Variants in RIC1 observed in about 807,000 individuals in gnomAD.
The protein encoded by RIC1 is RIC1 partner of RAB6A GEF complex.
Under a neutral mutation model 169.0 loss-of-function variants are expected in RIC1, and 88 were observed. The ratio of observed to expected loss-of-function variants is 0.52; its 90% CI spans 0.44 to 0.62. The LOEUF is 0.62. Ranked by LOEUF, RIC1 falls within the 20% of genes least tolerant of loss-of-function variation. RIC1 has a pLI of 0.00. For missense variants in RIC1, 1,877 were observed against 1,725.5 expected, an observed-to-expected ratio of 1.09 and a Z score of -1.56; for synonymous variants, 790 against 601.5, an observed-to-expected ratio of 1.31 and a Z score of -4.59.
At chr9:5,745,489 A>T (rs1825324304) in intron 10 of RIC1, among the ~76,000 whole-genome samples, 1 of 152,200 alleles carries the variant, frequency 6.6e-6, no homozygotes, top group African/African-American at 2.4e-5. Flanking sequence ...CTCTAGTCTC[A>T]CAGCTTCCAA....
chr9:5,695,693 C>G (rs1451919814), intron 3 of RIC1, among the ~76,000 whole-genome samples: 1 of 151,104 alleles, frequency 6.6e-6, no homozygotes. Flanking sequence ...ATGTCTCAAT[C>G]CTGAGTAGCT....
chr9:5,687,539 G>T (rs1299225108), intron 2 of RIC1, among the ~76,000 whole-genome samples: 1 of 152,076 alleles, frequency 6.6e-6, no homozygotes, highest in Non-Finnish European at 1.5e-5. Context: ...TTGGGATGAT[G>T]TATTTTTAAA....
intron 1 of RIC1, among the ~76,000 whole-genome samples, chr9:5,643,396 A>G (rs555376538): frequency 3.1e-4 from 47 of 152,242 alleles, no homozygotes; most frequent in Middle Eastern, 6.8e-3. Flanking sequence ...ACTGTATACT[A>G]TTTAAATTTT....
At chr9:5,756,186 A>G in intron 15 of RIC1, 26 bp from the exon 16 acceptor site, 1 of 1,460,784 alleles carries the variant, frequency 6.8e-7, no homozygotes, top group Non-Finnish European at 9.2e-7. Context: ...TGTTTTTATA[A>G]TTTTCTTCAT....
chr9:5,660,623 A>G (rs1448663129), intron 2 of RIC1, among the ~76,000 whole-genome samples: 4 of 152,004 alleles, frequency 2.6e-5, no homozygotes, highest in Non-Finnish European at 4.4e-5. Flanking sequence ...GCTTTTTAAA[A>G]TGTATTTGTT....
intron 3 of RIC1, among the ~76,000 whole-genome samples, chr9:5,705,161 T>C (rs547917933): frequency 1.3e-5 from 2 of 151,728 alleles, no homozygotes; most frequent in Non-Finnish European, 2.9e-5. Flanking sequence ...TGCCTTTCTG[T>C]ATGAATTTTA....
chr9:5,639,301 A>G (rs1462619399), intron 1 of RIC1, among the ~76,000 whole-genome samples: 1 of 152,028 alleles, frequency 6.6e-6, no homozygotes, highest in East Asian at 1.9e-4. Context: ...TTGTGTTTCC[A>G]TTATCATTTG....
Position 5,763,919 on chromosome 9 carries a change from G to T in RIC1, c.2841+51G>T. 2 of 1,517,508 alleles carry T rather than the reference G, an allele frequency of 1.3e-6. No individual in the cohort carries two copies. The highest frequency in any genetic ancestry group is 1.3e-5 in the South Asian group (1 of 75,566). The allele number at this position is 1,517,508 out of a possible 1,614,324, so 94.0% of individuals were successfully genotyped here. A position where few individuals can be genotyped will look rare whatever the true frequency, so the allele number is the denominator to read the frequency against. On this transcript the variant is annotated intron_variant, in intron 19 of 25. Coordinates refer to ENST00000414202, the MANE Select transcript of RIC1 (RefSeq NM_020829.4). The surrounding 1 kb of genome is among the most constrained non-coding windows in gnomAD (Gnocchi z 5.2). ...GCAAGAATTAATGAGCTTAAACTTA[G>T]AAAAATAGAAATGTCCTGTTTTGAC...
intron 5 of RIC1, 66 bp downstream of exon 5, chr9:5,720,390 C>A (rs1823513831): frequency 1.4e-6 from 2 of 1,463,234 alleles, no homozygotes; most frequent in Non-Finnish European, 1.9e-6. Context: ...TAGGTATCTT[C>A]TATGGATGAA....
chr9:5,730,041 T>G (rs1167937224), intron 6 of RIC1, among the ~76,000 whole-genome samples: 1 of 152,108 alleles, frequency 6.6e-6, no homozygotes, highest in African/African-American at 2.4e-5. Context: ...GTTAAGGATT[T>G]AAAAACTAAT....
chr9:5,659,007 A>T (rs10975216), intron 2 of RIC1, among the ~76,000 whole-genome samples: 2 of 151,882 alleles, frequency 1.3e-5, no homozygotes, highest in African/African-American at 4.8e-5. Context: ...TTTGCACTCA[A>T]TTTTGATGAT....
rs1175972753 is a variant in RIC1, at chr9:5,773,045, G to A, written c.3948G>A (p.Gly1316=). The A allele has an allele frequency of 1.2e-6, 2 of 1,613,230 alleles. No individual in the cohort carries two copies. Residue 1316 remains glycine, a synonymous_variant, in exon 25 of 26, where the codon GGG becomes GGA. Transcript: ENST00000414202. ...AGATGTTACAGAACATAAAGACAGGGCTCCATGCAGTGGACCGATGGGCCT... is the reference window on the plus strand; with the variant it reads ...AGATGTTACAGAACATAAAGACAGGACTCCATGCAGTGGACCGATGGGCCT... ...DGEMLQNIKT[G]LHAVDRWAST...
At chr9:5,762,278 T>G (rs532269386) in intron 17 of RIC1, among the ~76,000 whole-genome samples, 109 of 152,376 alleles carry the variant, frequency 7.2e-4, no homozygotes, top group African/African-American at 2.5e-3. Context: ...TAAAGTTGTC[T>G]TAGCTTTTTC....
At chr9:5,651,267 C>G (rs1351175002) in intron 1 of RIC1, among the ~76,000 whole-genome samples, 1 of 152,134 alleles carries the variant, frequency 6.6e-6, no homozygotes, top group Admixed American at 6.5e-5. Flanking sequence ...CCTCTTCTTC[C>G]TTGCTTTAGG....
intron 6 of RIC1, among the ~76,000 whole-genome samples, chr9:5,721,258 A>T (rs962022208): frequency 6.6e-6 from 1 of 152,184 alleles, no homozygotes; most frequent in African/African-American, 2.4e-5. Flanking sequence ...GTACTGACGC[A>T]GAAGTTTTTG....
At position 5,773,953 on chromosome 9, in the gene RIC1, CAT is replaced by C. The variant is rs765813565; in HGVS notation, c.3984-3_3984-2del. 37 of 1,578,250 alleles carry C rather than the reference CAT, an allele frequency of 2.3e-5. No individual in the cohort carries two copies. The highest frequency in any genetic ancestry group is 2.9e-5 in the Non-Finnish European group (34 of 1,164,488). ...GATGAGCTAATGTTTTTTTTCTCTA[CAT>C]AGTCCTGGATATAAGCCATTTTTAA... On this transcript the variant is annotated splice_polypyrimidine_tract_variant and splice_region_variant and intron_variant, in intron 25 of 25. Coordinates refer to ENST00000414202, the MANE Select transcript of RIC1 (RefSeq NM_020829.4).
chr9:5,681,493 C>T (rs1308791711), intron 2 of RIC1, among the ~76,000 whole-genome samples: 2 of 152,188 alleles, frequency 1.3e-5, no homozygotes, highest in East Asian at 1.9e-4. Flanking sequence ...TTTGATTGCA[C>T]TATGGTCTGA....
At chr9:5,642,425 G>A (rs1253342529) in intron 1 of RIC1, among the ~76,000 whole-genome samples, 1 of 145,038 alleles carries the variant, frequency 6.9e-6, no homozygotes, top group Non-Finnish European at 1.5e-5. Flanking sequence ...AAGGCCCTAA[G>A]GCTCTACCAT....
Position 5,771,584 on chromosome 9 carries a change from T to C in RIC1, c.3617-980T>C, listed in dbSNP as rs578175550. On this transcript the variant is annotated intron_variant, in intron 23 of 25. Coordinates refer to ENST00000414202, the MANE Select transcript of RIC1 (RefSeq NM_020829.4). Reference sequence around the variant, plus strand: ...GGGTCATAATTCTACTTGCATTTTTTTTGAGGAATCGCCATGTTTCCCATA... The same window carrying C: ...GGGTCATAATTCTACTTGCATTTTTCTTGAGGAATCGCCATGTTTCCCATA... Among the ~76,000 whole-genome samples, 22 of 144,262 alleles carry C rather than the reference T, an allele frequency of 1.5e-4. No homozygotes were observed. In the East Asian group the frequency reaches 4.5e-3, roughly 30 times the overall value. The allele number at this position is 144,262 out of a possible 152,430, so 94.6% of individuals were successfully genotyped here.
Sources: gnomAD v4.1 joint callset for allele counts (sites outside exome capture counted in the v4.1 genomes callset) on GRCh38, gnomAD v4.1.1 for gene constraint, Gnocchi (gnomAD v3.1) non-coding constraint, MANE v1.5 for transcripts, NCBI Gene and HGNC (gene_info 2026-07-23, HGNC 2026-07-21) for gene names.